The following GOLT1A variants were observed in gnomAD, a reference collection of about 807,000 sequenced individuals.
GOLT1A encodes the protein golgi transport 1A.
GOLT1A carries 10 observed loss-of-function variants against 16.1 expected under a neutral mutation model. The observed-to-expected ratio is 0.62, with a 90% CI of 0.38 to 1.05. The LOEUF is 1.05. GOLT1A is among the 50% of genes least tolerant of loss of function. GOLT1A has a pLI of 0.01. For missense variants in GOLT1A, 137 were observed against 165.7 expected (o/e 0.83, Z 0.95); for synonymous variants, 60 against 67.9 (o/e 0.88, Z 0.57).
intron 1 of GOLT1A, among the ~76,000 whole-genome samples, chr1:204,203,331 G>A (rs1397524766): frequency 6.6e-6 from 1 of 152,184 alleles, no homozygotes. Context: ...TATCAAGGCT[G>A]AACATAGCAT....
chr1:204,209,211 G>A (rs928845419), intron 1 of GOLT1A, among the ~76,000 whole-genome samples: 26 of 152,332 alleles, frequency 1.7e-4, no homozygotes, highest in Admixed American at 1.7e-3. Flanking sequence ...CACAAGATGT[G>A]ATGCTGTATT....
intron 1 of GOLT1A, among the ~76,000 whole-genome samples, chr1:204,207,354 C>A (rs537734766): frequency 6.6e-6 from 1 of 152,216 alleles, no homozygotes; most frequent in Non-Finnish European, 1.5e-5. Flanking sequence ...GCTCTCCAGG[C>A]GCCACCTAGA....
At chr1:204,207,817 T>A (rs1055249163) in intron 1 of GOLT1A, among the ~76,000 whole-genome samples, 4 of 152,122 alleles carry the variant, frequency 2.6e-5, no homozygotes, top group Admixed American at 2.6e-4. Flanking sequence ...AATGCTCTGG[T>A]GTGGTTTTTA....
intron 1 of GOLT1A, among the ~76,000 whole-genome samples, chr1:204,205,947 C>T (rs1304927034): frequency 6.6e-6 from 1 of 152,040 alleles, no homozygotes; most frequent in Non-Finnish European, 1.5e-5. Flanking sequence ...GCATGCGTCT[C>T]TAGTCCCAGC....
intron 1 of GOLT1A, among the ~76,000 whole-genome samples, chr1:204,206,945 CTGTG>C (rs1659047779): frequency 6.6e-6 from 1 of 152,232 alleles, no homozygotes; most frequent in Non-Finnish European, 1.5e-5. Flanking sequence ...CAGGACTCTC[CTGTG>C]ATGGGGGCAG....
At chr1:204,208,333 T>G (rs1557987076) in intron 1 of GOLT1A, among the ~76,000 whole-genome samples, 1 of 145,640 alleles carries the variant, frequency 6.9e-6, no homozygotes, top group Non-Finnish European at 1.5e-5. Flanking sequence ...CATATATATG[T>G]ATACATATAT....
At chr1:204,201,374 C>T (rs111392155) in intron 3 of GOLT1A, among the ~76,000 whole-genome samples, 3 of 152,190 alleles carry the variant, frequency 2.0e-5, no homozygotes, top group Non-Finnish European at 2.9e-5. Context: ...GGGCAGGCCT[C>T]GTGTCTCTTC....
At chr1:204,198,934 G>A in intron 4 of GOLT1A, 1 of 530,724 alleles carries the variant, frequency 1.9e-6, no homozygotes, top group East Asian at 3.1e-5. Context: ...GCTGTAAACA[G>A]GAAGCTATTC....
chr1:204,199,324 G>T, intron 3 of GOLT1A, 66 bp from the exon 4 acceptor site: 3 of 1,291,574 alleles, frequency 2.3e-6, no homozygotes, highest in Non-Finnish European at 3.3e-6. Context: ...AGGGCACGAG[G>T]CTGAGGTCCA....
At chr1:204,204,223 A>G (rs1659007355) in intron 1 of GOLT1A, among the ~76,000 whole-genome samples, 2 of 152,282 alleles carry the variant, frequency 1.3e-5, no homozygotes, top group South Asian at 4.2e-4. Context: ...AAAAATGTAC[A>G]GTTCAGTGGT....
chr1:204,202,913 G>T lies in GOLT1A; in HGVS notation c.100C>A (p.Leu34Ile), dbSNP rs756856517. The change falls in exon 2 of 5, where the codon CTC becomes ATC. Residue 34 changes from leucine to isoleucine, a missense_variant. Coordinates refer to ENST00000308302, the MANE Select transcript of GOLT1A (RefSeq NM_198447.2). ...AGACTCACGTTTCCAAAGGCCAGGAGCACGGAATCAAAGTACAGGAGTGTT... is the reference window on the plus strand; with the variant it reads ...AGACTCACGTTTCCAAAGGCCAGGATCACGGAATCAAAGTACAGGAGTGTT... ...FGTLLYFDSV[L>I]LAFGNLLFLT... is the part of the protein sequence containing the mutation. 4 of 1,614,018 alleles carry T rather than the reference G, an allele frequency of 2.5e-6. No individual in the cohort carries two copies. Among genetic ancestry groups the T allele is most frequent in the Middle Eastern group, 1.7e-4 (1 of 6,052 alleles).
intron 1 of GOLT1A, among the ~76,000 whole-genome samples, chr1:204,204,088 T>C (rs1370555613): frequency 5.3e-5 from 8 of 152,236 alleles, no homozygotes; most frequent in African/African-American, 1.9e-4. Context: ...ATTTTACTTA[T>C]CTTTGCCACT....
intron 3 of GOLT1A, among the ~76,000 whole-genome samples, chr1:204,200,558 C>T (rs1452297468): frequency 6.6e-6 from 1 of 151,638 alleles, no homozygotes; most frequent in Non-Finnish European, 1.5e-5. Flanking sequence ...GAACTCCTGA[C>T]CTCAAGTGAT....
At chr1:204,211,101 A>G (rs1247103319) in intron 1 of GOLT1A, among the ~76,000 whole-genome samples, 1 of 151,790 alleles carries the variant, frequency 6.6e-6, no homozygotes, top group Non-Finnish European at 1.5e-5. Flanking sequence ...GGCCACGATC[A>G]TCTCTTTCCT....
At chr1:204,208,596 G>A (rs374239113) in intron 1 of GOLT1A, among the ~76,000 whole-genome samples, 1 of 150,022 alleles carries the variant, frequency 6.7e-6, no homozygotes, top group Non-Finnish European at 1.5e-5. Context: ...TAAGTGAAGT[G>A]ACTCCGGAAT....
rs894689581 is a variant in GOLT1A, at chr1:204,202,983, A to G, written c.30T>C (p.Ile10=). 6.2e-7 allele frequency: 1 copy of G among 1,613,704 alleles called. No individual in the cohort carries two copies. The highest frequency in any genetic ancestry group is 8.5e-7 in the Non-Finnish European group (1 of 1,179,642). Reference sequence around the variant, plus strand: ...TGCCGAAACCGGTGATCCCCACACCAATCTCTGCAATGGGCAAGGAGGTGG... The same window carrying G: ...TGCCGAAACCGGTGATCCCCACACCGATCTCTGCAATGGGCAAGGAGGTGG... MISITEWQK[I]GVGITGFGIF... The change falls in exon 2 of 5, where the codon ATT becomes ATC. Residue 10 remains isoleucine, a synonymous_variant. Coordinates refer to ENST00000308302, the MANE Select transcript of GOLT1A (RefSeq NM_198447.2).
intron 3 of GOLT1A, among the ~76,000 whole-genome samples, chr1:204,200,380 G>A (rs1434255013): frequency 1.4e-5 from 2 of 144,568 alleles, no homozygotes; most frequent in Admixed American, 7.1e-5. Context: ...GCTGGAGGCA[G>A]TGGTGTGATC....
chr1:204,199,165 C>T lies in GOLT1A; in HGVS notation c.360+30G>A, dbSNP rs1658911548. 6 of 1,562,002 alleles carry T rather than the reference C, an allele frequency of 3.8e-6. No individual in the cohort carries two copies. In the Admixed American group the frequency reaches 7.7e-5, roughly 20 times the overall value. On this transcript the variant is annotated intron_variant, in intron 4 of 4. Transcript: ENST00000308302. The stretch of plus-strand genomic sequence containing the variant: ...GCTCCCCCTCACTCCCCAGGGTACG[C>T]CCGCAGGGCTGCAGGCATCATCTGC...
At chr1:204,211,216 A>T (rs1330365472) in intron 1 of GOLT1A, among the ~76,000 whole-genome samples, 3 of 151,902 alleles carry the variant, frequency 2.0e-5, no homozygotes, top group Admixed American at 6.5e-5. Context: ...CAACCTGATC[A>T]TGTTAGCATA....
Sources: allele counts gnomAD v4.1 joint callset (sites outside exome capture counted in the v4.1 genomes callset), GRCh38; gene constraint gnomAD v4.1.1; transcripts MANE v1.5; gene names NCBI Gene and HGNC (gene_info 2026-07-23, HGNC 2026-07-21).